Variants in ASTN2 observed in about 807,000 individuals in gnomAD.
ASTN2 encodes astrotactin 2, also known as astrotactin-2.
Under a neutral mutation model 139.8 loss-of-function variants are expected in ASTN2, and 54 were observed. The ratio of observed to expected loss-of-function variants is 0.39; its 90% CI spans 0.31 to 0.48. ASTN2 has a LOEUF of 0.48. Among genes scored for constraint, ASTN2 ranks in the 20% least tolerant of loss-of-function variants. The pLI, the probability that ASTN2 is intolerant of heterozygous loss-of-function variation, is 0.95. For synonymous variants in ASTN2, 756 were observed against 719.5 expected (o/e 1.05, Z -0.81); for missense variants, 1,565 against 1,725.1 (o/e 0.91, Z 1.64).
chr9:117,153,615 C>T (rs1830371775), intron 3 of ASTN2, among the ~76,000 whole-genome samples: 1 of 152,086 alleles, frequency 6.6e-6, no homozygotes, highest in African/African-American at 2.4e-5. Flanking sequence ...TCCTCAAATA[C>T]TACTTTAGGG....
intron 10 of ASTN2, among the ~76,000 whole-genome samples, chr9:116,914,042 G>A (rs1314699305): frequency 2.7e-5 from 4 of 148,246 alleles, no homozygotes; most frequent in African/African-American, 1.0e-4. Flanking sequence ...AACAGCATAT[G>A]CAGAGGTGTG....
At chr9:116,957,602 G>A (rs901042571) in intron 10 of ASTN2, among the ~76,000 whole-genome samples, 1 of 152,190 alleles carries the variant, frequency 6.6e-6, no homozygotes, top group Non-Finnish European at 1.5e-5. Flanking sequence ...CAAGGATATA[G>A]GTCAGTTATT....
At chr9:116,912,833 A>C (rs1194474281) in intron 10 of ASTN2, among the ~76,000 whole-genome samples, 1 of 152,082 alleles carries the variant, frequency 6.6e-6, no homozygotes, top group Non-Finnish European at 1.5e-5. Flanking sequence ...CATCAACTTC[A>C]TACTGTATTA....
intron 16 of ASTN2, among the ~76,000 whole-genome samples, chr9:116,652,346 A>T (rs984304232): frequency 6.6e-6 from 1 of 152,084 alleles, no homozygotes; most frequent in African/African-American, 2.4e-5. Flanking sequence ...AATGAAAAAT[A>T]AATAAATTAA....
intron 13 of ASTN2, among the ~76,000 whole-genome samples, chr9:116,792,537 T>A (rs1830585977): frequency 1.3e-5 from 2 of 152,210 alleles, no homozygotes; most frequent in Non-Finnish European, 2.9e-5. Context: ...GTGCCTTCTC[T>A]GTTGGCACTG....
intron 5 of ASTN2, among the ~76,000 whole-genome samples, chr9:117,072,536 A>G (rs2132711469): frequency 6.6e-6 from 1 of 152,322 alleles, no homozygotes; most frequent in Non-Finnish European, 1.5e-5. Context: ...AGAATGAATC[A>G]AGGATAGAGG....
chr9:116,624,392 C>A (rs10983276), intron 17 of ASTN2, among the ~76,000 whole-genome samples: 1 of 152,272 alleles, frequency 6.6e-6, no homozygotes, highest in East Asian at 1.9e-4. Context: ...GACCAAGTCA[C>A]TAACTTCAAA....
intron 20 of ASTN2, among the ~76,000 whole-genome samples, chr9:116,473,290 T>C (rs922334887): frequency 1.3e-5 from 2 of 152,350 alleles, no homozygotes; most frequent in Admixed American, 1.3e-4. Flanking sequence ...CCAGGCCATA[T>C]GTTATGGATT....
At chr9:116,775,640 A>AAGGAAG (rs1588283226) in intron 13 of ASTN2, among the ~76,000 whole-genome samples, 2 of 57,676 alleles carry the variant, frequency 3.5e-5, no homozygotes, top group African/African-American at 1.4e-4. Context: ...AAGGAAGGAA[A>AAGGAAG]AAGGACAGGA....
chr9:116,919,011 CT>C (rs144283238), intron 10 of ASTN2, among the ~76,000 whole-genome samples: 6,575 of 148,116 alleles, frequency 0.044, 299 homozygotes, highest in African/African-American at 0.11. Flanking sequence ...TCATTTTGGG[CT>C]TTTTTTTTTA....
At chr9:117,053,816 C>A (rs1838980807) in intron 5 of ASTN2, among the ~76,000 whole-genome samples, 1 of 152,196 alleles carries the variant, frequency 6.6e-6, no homozygotes, top group Non-Finnish European at 1.5e-5. Context: ...CAGCTGCAAA[C>A]CACCTGGAGA....
In ASTN2 at chr9:116,565,427, A is replaced by ATATTTATTTATTTATT. The variant is rs1316457639; in HGVS notation, c.3355+52881_3355+52896dup. On this transcript the variant is annotated intron_variant, in intron 19 of 22. Transcript: ENST00000313400. ...TATATATATATATATATATATATATATATTTATTTATTTATTTTGAGACAG... is the reference window on the plus strand; with the variant it reads ...TATATATATATATATATATATATATATATTTATTTATTTATTTATTTATTTATTTATTTTGAGACAG... Among the ~76,000 whole-genome samples the ATATTTATTTATTTATT allele has an allele frequency of 2.4e-4, 18 of 73,992 alleles. 1 individual carries two copies. Among genetic ancestry groups the ATATTTATTTATTTATT allele is most frequent in the African/African-American group, 1.0e-3 (18 of 18,010 alleles). 48.5% of individuals were successfully genotyped at this position (73,992 alleles called of 152,430 possible).
intron 17 of ASTN2, among the ~76,000 whole-genome samples, chr9:116,632,184 GGGA>G (rs1856798979): frequency 3.6e-5 from 1 of 27,814 alleles, no homozygotes; most frequent in Non-Finnish European, 6.3e-5. Context: ...GAGAGAGAGA[GGGA>G]GAGAGAGAGA....
chr9:116,683,361 T>C (rs1860005720), intron 16 of ASTN2, among the ~76,000 whole-genome samples: 1 of 152,184 alleles, frequency 6.6e-6, no homozygotes, highest in African/African-American at 2.4e-5. Context: ...TTAGAGTACA[T>C]TATTAATAAT....
At chr9:117,213,819 T>A (rs1832220711) in intron 3 of ASTN2, among the ~76,000 whole-genome samples, 1 of 152,140 alleles carries the variant, frequency 6.6e-6, no homozygotes, top group South Asian at 2.1e-4. Flanking sequence ...GAAGGTGAAA[T>A]GTCTGAAAAA....
At chr9:117,296,054 C>T (rs144557850) in intron 1 of ASTN2, among the ~76,000 whole-genome samples, 6,258 of 151,700 alleles carry the variant, frequency 0.041, 174 homozygotes, top group Non-Finnish European at 0.06. Context: ...CCTAGGTGGG[C>T]GGATCACGAG....
In ASTN2 at chr9:116,749,534, G is replaced by A. The variant is rs557598449; in HGVS notation, c.2397-16011C>T. ...TGGAGTTGGTAAAGCTAAAAGCAAT[G>A]CTCCCAGCACCATAAGTTGAATATC... On this transcript the variant is annotated intron_variant, in intron 13 of 22. Coordinates refer to ENST00000313400, the MANE Select transcript of ASTN2 (RefSeq NM_001365068.1). 8.5e-5 allele frequency among the ~76,000 whole-genome samples: 13 copies of A among 152,272 alleles called. No individual in the cohort carries two copies. The East Asian group carries it at 2.5e-3, about 29-fold the overall frequency.
chr9:117,018,947 G>A (rs575380950), intron 6 of ASTN2, among the ~76,000 whole-genome samples: 18 of 152,240 alleles, frequency 1.2e-4, no homozygotes, highest in African/African-American at 4.1e-4. Flanking sequence ...CTAGGAAACT[G>A]ATGATTCAAA....
At chr9:117,267,223 G>A (rs539566685) in intron 2 of ASTN2, among the ~76,000 whole-genome samples, 1 of 152,312 alleles carries the variant, frequency 6.6e-6, no homozygotes, top group African/African-American at 2.4e-5. Context: ...ATCTTCAAAG[G>A]TGTCATGATA....
Sources: allele counts gnomAD v4.1 joint callset (sites outside exome capture counted in the v4.1 genomes callset), GRCh38; gene constraint gnomAD v4.1.1; transcripts MANE v1.5; gene names NCBI Gene and HGNC (gene_info 2026-07-23, HGNC 2026-07-21).